Variants in DLG2 observed in about 807,000 individuals in gnomAD.
DLG2 encodes disks large homolog 2.
DLG2 carries 45 observed loss-of-function variants against 132.5 expected under a neutral mutation model. The observed-to-expected ratio is 0.34, with a 90% CI of 0.27 to 0.44. The LOEUF (loss-of-function observed/expected upper bound fraction) is 0.44, where lower values mean the gene tolerates loss of function less well. Ranked by LOEUF, DLG2 falls within the 20% of genes least tolerant of loss-of-function variation. The pLI is 1.00. For synonymous variants in DLG2, 424 were observed against 419.6 expected (o/e 1.01, Z -0.13); for missense variants, 1,045 against 1,196.9 (o/e 0.87, Z 1.87).
At chr11:84,166,514 A>AAAG (rs199642838) in intron 8 of DLG2, among the ~76,000 whole-genome samples, 4,089 of 149,520 alleles carry the variant, frequency 0.027, 99 homozygotes, top group Non-Finnish European at 0.045. Flanking sequence ...AAAAAAAAAA[A>AAAG]AAAAAAGAAA....
intron 21 of DLG2, among the ~76,000 whole-genome samples, chr11:83,504,822 C>G (rs138713453): frequency 1.3e-5 from 2 of 152,144 alleles, no homozygotes; most frequent in Non-Finnish European, 2.9e-5. Context: ...TCAGAGCATA[C>G]GTGGCCTTCT....
chr11:84,986,674 C>T (rs1476337508), intron 6 of DLG2, among the ~76,000 whole-genome samples: 2 of 152,118 alleles, frequency 1.3e-5, no homozygotes, highest in Non-Finnish European at 2.9e-5. Context: ...ATGATCATCT[C>T]AATAGATGCG....
intron 6 of DLG2, among the ~76,000 whole-genome samples, chr11:85,006,936 C>A (rs546039502): frequency 3.9e-4 from 59 of 152,214 alleles, no homozygotes; most frequent in Non-Finnish European, 7.8e-4. Context: ...AGCAAATAAT[C>A]TTTAAACCCT....
chr11:85,555,277 T>C (rs4944523), intron 3 of DLG2, among the ~76,000 whole-genome samples: 38,273 of 151,698 alleles, frequency 0.25, 5,915 homozygotes, highest in East Asian at 0.41. Context: ...AGAAAAAACA[T>C]CATGCACACA....
chr11:83,762,643 T>A (rs182215660), intron 18 of DLG2, among the ~76,000 whole-genome samples: 163 of 151,920 alleles, frequency 1.1e-3, no homozygotes, highest in African/African-American at 3.6e-3. Context: ...TGCAGTGGCA[T>A]GATCTCGGCT....
chr11:83,828,221 G>A (rs1173933210), intron 17 of DLG2, among the ~76,000 whole-genome samples: 1 of 152,138 alleles, frequency 6.6e-6, no homozygotes, highest in Non-Finnish European at 1.5e-5. Context: ...GTAGGAATCA[G>A]TCAATTATGG....
At chr11:84,859,475 T>C (rs2083323789) in intron 6 of DLG2, among the ~76,000 whole-genome samples, 1 of 147,130 alleles carries the variant, frequency 6.8e-6, no homozygotes, top group African/African-American at 2.5e-5. Context: ...TATATCCTCC[T>C]ATTGGGTTGT....
At chr11:84,250,070 A>G (rs1298071272) in intron 8 of DLG2, among the ~76,000 whole-genome samples, 1 of 152,194 alleles carries the variant, frequency 6.6e-6, no homozygotes, top group Non-Finnish European at 1.5e-5. Flanking sequence ...TTGAGGTAAC[A>G]TCTCTCAAAA....
chr11:84,988,996 G>C (rs559378862), intron 6 of DLG2, among the ~76,000 whole-genome samples: 2 of 151,806 alleles, frequency 1.3e-5, no homozygotes, highest in Non-Finnish European at 1.5e-5. Flanking sequence ...TAATGAGTTC[G>C]GCAAGGTCAG....
intron 19 of DLG2, among the ~76,000 whole-genome samples, chr11:83,594,884 C>T (rs899169530): frequency 6.6e-6 from 1 of 152,182 alleles, no homozygotes; most frequent in African/African-American, 2.4e-5. Context: ...TAGGCTTAGG[C>T]TCCATACAGC....
chr11:83,975,470 A>T (rs1182956140), intron 12 of DLG2, among the ~76,000 whole-genome samples: 2 of 152,066 alleles, frequency 1.3e-5, no homozygotes, highest in Non-Finnish European at 1.5e-5. Flanking sequence ...ATTAAACATC[A>T]GAGTGGTCTG....
At position 83,930,386 on chromosome 11, in the gene DLG2, G is replaced by A. The variant is rs1299146135; in HGVS notation, c.1438C>T (p.Leu480Phe). 6 of 1,614,110 alleles carry A rather than the reference G, an allele frequency of 3.7e-6. No homozygotes were observed. The highest frequency in any genetic ancestry group is 5.1e-6 in the Non-Finnish European group (6 of 1,179,960). ...SPVECDKSFL[L>F]SAPYSHYHLG... ...TGGTAGTGGGAATAGGGAGCTGAGA[G>A]GAGGAAGCTTTTGTCACACTCAACA... is the stretch of plus-strand genomic sequence containing the variant. Residue 480 changes from leucine (L) to phenylalanine (F), a missense_variant, in exon 15 of 28, where the codon CTC becomes TTC. Coordinates refer to ENST00000376104, the MANE Select transcript of DLG2 (RefSeq NM_001142699.3).
chr11:84,526,771 G>C (rs2099321807), intron 7 of DLG2, among the ~76,000 whole-genome samples: 2 of 150,532 alleles, frequency 1.3e-5, no homozygotes. Context: ...CATCCACTGG[G>C]GGTGTTTTTT....
intron 6 of DLG2, among the ~76,000 whole-genome samples, chr11:84,733,717 C>T (rs1316328244): frequency 6.6e-6 from 1 of 152,156 alleles, no homozygotes; most frequent in East Asian, 1.9e-4. Context: ...TTGCCCATGC[C>T]TATGTCCTGA....
chr11:85,577,649 A>T (rs1284008060), intron 3 of DLG2, among the ~76,000 whole-genome samples: 1 of 152,152 alleles, frequency 6.6e-6, no homozygotes, highest in Non-Finnish European at 1.5e-5. Flanking sequence ...GTCATAAGCC[A>T]ATAGATATTT....
At chr11:83,561,540 C>CT (rs1007420722) in intron 19 of DLG2, among the ~76,000 whole-genome samples, 2 of 152,168 alleles carry the variant, frequency 1.3e-5, no homozygotes, top group Non-Finnish European at 2.9e-5. Context: ...ATCATAGACT[C>CT]TATTATTTGT....
intron 6 of DLG2, chr11:84,997,148 A>T (rs887472377): frequency 1.9e-4 from 29 of 153,182 alleles, no homozygotes; most frequent in African/African-American, 7.0e-4. Flanking sequence ...GTATAAATTG[A>T]AAAGGCCAGT....
At chr11:84,542,817 A>G (rs1591968839) in intron 6 of DLG2, among the ~76,000 whole-genome samples, 1 of 152,202 alleles carries the variant, frequency 6.6e-6, no homozygotes, top group African/African-American at 2.4e-5. Flanking sequence ...GGCTGTAGAA[A>G]TTTAAGTTCC....
At chr11:85,185,265 T>A (rs1823046795) in intron 4 of DLG2, among the ~76,000 whole-genome samples, 2 of 152,064 alleles carry the variant, frequency 1.3e-5, no homozygotes, top group South Asian at 4.1e-4. Flanking sequence ...GTCTATTCTA[T>A]CTGCTTTTTC....
Sources: allele counts gnomAD v4.1 joint callset (sites outside exome capture counted in the v4.1 genomes callset), GRCh38; gene constraint gnomAD v4.1.1; transcripts MANE v1.5; gene names NCBI Gene and HGNC (gene_info 2026-07-23, HGNC 2026-07-21).